The following VPS13B variants were observed in gnomAD, a reference collection of about 807,000 sequenced individuals.
VPS13B encodes vacuolar protein sorting 13 homolog B.
In VPS13B, 285 loss-of-function variants were observed where a neutral mutation model predicts 426.4. The ratio of observed to expected loss-of-function variants is 0.67; its 90% CI spans 0.61 to 0.74. VPS13B has a LOEUF of 0.74. VPS13B is among the 30% of genes least tolerant of loss of function. The pLI is 0.00. For missense variants in VPS13B, 4,537 were observed against 4,782.6 expected (o/e 0.95, Z 1.51); for synonymous variants, 1,676 against 1,676.4 (o/e 1.00, Z 0.01).
intron 33 of VPS13B, among the ~76,000 whole-genome samples, chr8:99,633,697 A>T (rs1828944264): frequency 6.6e-6 from 1 of 152,002 alleles, no homozygotes; most frequent in Admixed American, 6.6e-5. Flanking sequence ...CCCTGTACAC[A>T]CAGTAGCCAC....
At chr8:99,493,736 C>T (rs985219823) in intron 25 of VPS13B, among the ~76,000 whole-genome samples, 3 of 140,354 alleles carry the variant, frequency 2.1e-5, no homozygotes, top group South Asian at 2.2e-4. Context: ...GAGCTGAGAT[C>T]GTGCCACTGT....
chr8:99,233,524 G>A (rs1215748007), intron 17 of VPS13B: 17 of 1,164,468 alleles, frequency 1.5e-5, no homozygotes, highest in South Asian at 2.4e-5. Context: ...ATGCGGGAAC[G>A]GGCCAAACTG....
chr8:99,176,400 G>A (rs1195922013), intron 16 of VPS13B, among the ~76,000 whole-genome samples: 3 of 152,106 alleles, frequency 2.0e-5, no homozygotes, highest in Admixed American at 2.0e-4. Flanking sequence ...GCCTCCCAAA[G>A]TGCTGGGATT....
intron 8 of VPS13B, among the ~76,000 whole-genome samples, chr8:99,123,542 G>T (rs1376065318): frequency 1.3e-5 from 2 of 152,062 alleles, no homozygotes; most frequent in Non-Finnish European, 2.9e-5. Flanking sequence ...ATATGATCTG[G>T]GTTATATTTT....
intron 8 of VPS13B, among the ~76,000 whole-genome samples, chr8:99,129,597 CA>C (rs1809644781): frequency 1.4e-5 from 2 of 140,046 alleles, no homozygotes; most frequent in African/African-American, 5.3e-5. Flanking sequence ...AAAAGTCTGA[CA>C]TTTTGTAAAA....
intron 16 of VPS13B, among the ~76,000 whole-genome samples, chr8:99,186,595 G>C (rs1182104814): frequency 6.6e-6 from 1 of 152,084 alleles, no homozygotes; most frequent in Admixed American, 6.5e-5. Context: ...AATTGTGTAA[G>C]ATACCATCTA....
chr8:99,772,818 A>G lies in VPS13B; in HGVS notation c.7248-3957A>G, dbSNP rs1588699516. Among the ~76,000 whole-genome samples the G allele has an allele frequency of 2.6e-5, 4 of 152,276 alleles. No homozygotes were observed. The East Asian group carries it at 5.8e-4, about 22-fold the overall frequency. On this transcript the variant is annotated intron_variant, in intron 40 of 61. Coordinates refer to ENST00000357162, the MANE Select transcript of VPS13B (RefSeq NM_152564.5). ...CAGTGCAACAGGCACACACTCCTGC[A>G]TCCTCTCTCACCTCTCTCCTGCGTC... is the stretch of plus-strand genomic sequence containing the variant.
intron 21 of VPS13B, among the ~76,000 whole-genome samples, chr8:99,428,167 C>G (rs987929957): frequency 6.6e-6 from 1 of 152,108 alleles, no homozygotes; most frequent in African/African-American, 2.4e-5. Context: ...CATGTTAGAC[C>G]TAAAAGTATA....
intron 4 of VPS13B, among the ~76,000 whole-genome samples, chr8:99,098,522 T>A (rs1386174700): frequency 6.6e-6 from 1 of 152,174 alleles, no homozygotes; most frequent in Non-Finnish European, 1.5e-5. Flanking sequence ...CAGTCCTTTT[T>A]TTGGTTTGAT....
intron 17 of VPS13B, among the ~76,000 whole-genome samples, chr8:99,235,350 T>A (rs759830084): frequency 1.9e-4 from 29 of 152,212 alleles, no homozygotes; most frequent in Admixed American, 6.5e-4. Flanking sequence ...TTAAATAAAA[T>A]TCTACATTTA....
intron 30 of VPS13B, among the ~76,000 whole-genome samples, chr8:99,551,794 C>T (rs770429388): frequency 2.6e-5 from 4 of 151,866 alleles, no homozygotes; most frequent in Non-Finnish European, 5.9e-5. Flanking sequence ...ACAATTTAGA[C>T]ATCATTATTA....
At chr8:99,685,937 T>TTAGGTGTTTATTATAG (rs1356605431) in intron 35 of VPS13B, among the ~76,000 whole-genome samples, 1 of 152,054 alleles carries the variant, frequency 6.6e-6, no homozygotes, top group Non-Finnish European at 1.5e-5. Flanking sequence ...CATTGGATAG[T>TTAGGTGTTTATTATAG]TAGGTGTTTA....
intron 17 of VPS13B, among the ~76,000 whole-genome samples, chr8:99,209,217 T>A (rs1814915779): frequency 6.6e-6 from 1 of 150,806 alleles, no homozygotes; most frequent in Non-Finnish European, 1.5e-5. Flanking sequence ...AGGCAGAGGT[T>A]GCAGTGAGCC....
At chr8:99,456,278 C>T (rs555522049) in intron 23 of VPS13B, among the ~76,000 whole-genome samples, 5 of 152,232 alleles carry the variant, frequency 3.3e-5, no homozygotes, top group Middle Eastern at 6.8e-3. Context: ...AAGTGATTCT[C>T]GTGCCTCAGC....
intron 19 of VPS13B, among the ~76,000 whole-genome samples, chr8:99,314,802 G>T (rs925091298): frequency 2.6e-5 from 4 of 152,158 alleles, no homozygotes; most frequent in African/African-American, 9.7e-5. Flanking sequence ...TGGGTGCTTG[G>T]TGTTGGGTGC....
chr8:99,087,248 C>T (rs540572701), intron 3 of VPS13B, among the ~76,000 whole-genome samples: 1 of 152,318 alleles, frequency 6.6e-6, no homozygotes, highest in African/African-American at 2.4e-5. Flanking sequence ...GCGTAGGACC[C>T]ACCCAGCCAT....
At chr8:99,486,811 G>A (rs1820332728) in intron 25 of VPS13B, among the ~76,000 whole-genome samples, 2 of 152,078 alleles carry the variant, frequency 1.3e-5, no homozygotes, top group Non-Finnish European at 2.9e-5. Flanking sequence ...CTGACTTTGT[G>A]TTTCCTCTTC....
Position 99,482,212 on chromosome 8 carries a change from A to G in VPS13B, c.3870+410A>G, listed in dbSNP as rs181026521. 1.4e-3 allele frequency among the ~76,000 whole-genome samples: 215 copies of G among 152,206 alleles called. 2 individuals are homozygous for G. The highest frequency in any genetic ancestry group is 6.8e-3 in the Middle Eastern group (2 of 294). Reference sequence around the variant, plus strand: ...GTTTAGATTAGTGGTTTTCAACCCTATCAGACCCAATGCCCTCTCCTCTTC... The same window carrying G: ...GTTTAGATTAGTGGTTTTCAACCCTGTCAGACCCAATGCCCTCTCCTCTTC... On this transcript the variant is annotated intron_variant, in intron 25 of 61. Transcript: ENST00000357162.
At position 99,589,218 on chromosome 8, in the gene VPS13B, ATTATAC is replaced by A. The variant is rs1232898586; in HGVS notation, c.5220+11588_5220+11593del. Among the ~76,000 whole-genome samples, 6 of 151,520 alleles carry A rather than the reference ATTATAC, an allele frequency of 4.0e-5. No homozygotes were observed. In the East Asian group the frequency reaches 1.2e-3, roughly 29 times the overall value. ...GATTTTCCAGTATTTTTTTATTATT[ATTATAC>A]TTTAAGTTTTAGGGTACATGTGCAC... is the stretch of plus-strand genomic sequence containing the variant. On this transcript the variant is annotated intron_variant, in intron 33 of 61. Coordinates refer to ENST00000357162, the MANE Select transcript of VPS13B (RefSeq NM_152564.5).
Sources: allele counts gnomAD v4.1 joint callset (sites outside exome capture counted in the v4.1 genomes callset), GRCh38; gene constraint gnomAD v4.1.1; transcripts MANE v1.5; gene names NCBI Gene and HGNC (gene_info 2026-07-23, HGNC 2026-07-21).